MGAT4C: variants seen among roughly 807,000 people sequenced by gnomAD.
MGAT4C encodes alpha-1,3-mannosyl-glycoprotein 4-beta-N-acetylglucosaminyltransferase C.
MGAT4C carries 19 observed loss-of-function variants against 40.1 expected under a neutral mutation model. That is an observed-to-expected ratio of 0.47 (90% CI 0.33 to 0.70). The LOEUF (loss-of-function observed/expected upper bound fraction) is 0.70, where lower values mean the gene tolerates loss of function less well. Among genes scored for constraint, MGAT4C ranks in the 30% least tolerant of loss-of-function variants. The pLI, the probability that MGAT4C is intolerant of heterozygous loss-of-function variation, is 0.02. For missense variants in MGAT4C, 491 were observed against 563.2 expected, an observed-to-expected ratio of 0.87 and a Z score of 1.30; for synonymous variants, 181 against 187.1, an observed-to-expected ratio of 0.97 and a Z score of 0.27.
At chr12:86,624,035 T>C (rs925493040) in intron 2 of MGAT4C, among the ~76,000 whole-genome samples, 5 of 152,182 alleles carry the variant, frequency 3.3e-5, no homozygotes, top group African/African-American at 1.2e-4. Flanking sequence ...AATGTCCCAT[T>C]TATGACTTCA....
At chr12:86,317,187 A>G (rs1477819084) in intron 4 of MGAT4C, among the ~76,000 whole-genome samples, 4 of 152,142 alleles carry the variant, frequency 2.6e-5, no homozygotes, top group Non-Finnish European at 5.9e-5. Context: ...GGAAGACAGT[A>G]TAGTTTCAGA....
intron 1 of MGAT4C, among the ~76,000 whole-genome samples, chr12:86,795,883 G>A (rs1393069604): frequency 6.6e-6 from 1 of 151,892 alleles, no homozygotes; most frequent in Non-Finnish European, 1.5e-5. Context: ...TTTTATGAAT[G>A]CCTGTAAAGT....
chr12:86,502,810 T>C, intron 2 of MGAT4C, among the ~76,000 whole-genome samples: 1 of 122,738 alleles, frequency 8.1e-6, no homozygotes, highest in Non-Finnish European at 1.7e-5. Flanking sequence ...ACACGAGTTC[T>C]GCTCATATAT....
Position 86,386,350 on chromosome 12 carries a change from C to T in MGAT4C, c.-120+48807G>A, listed in dbSNP as rs551888713. Among the ~76,000 whole-genome samples the T allele has an allele frequency of 5.9e-5, 9 of 152,174 alleles. No individual in the cohort carries two copies. The South Asian group carries it at 1.9e-3, about 32-fold the overall frequency. On this transcript the variant is annotated intron_variant, in intron 3 of 7. Transcript: ENST00000548651. ...AGAGAAGAGTAGTGTGTTTGCTTACCTCCTCCCACTAGACAATGAATACCT... is the reference window on the plus strand; with the variant it reads ...AGAGAAGAGTAGTGTGTTTGCTTACTTCCTCCCACTAGACAATGAATACCT...
intron 2 of MGAT4C, among the ~76,000 whole-genome samples, chr12:86,634,692 C>T (rs1014267008): frequency 6.6e-6 from 1 of 152,092 alleles, no homozygotes; most frequent in East Asian, 1.9e-4. Context: ...GCCATGAAGC[C>T]TTGTCAGGCC....
At chr12:86,666,419 TA>T (rs958517106) in intron 2 of MGAT4C, among the ~76,000 whole-genome samples, 9 of 151,178 alleles carry the variant, frequency 6.0e-5, no homozygotes, top group Middle Eastern at 3.5e-3. Context: ...CATACTGCAT[TA>T]AAAAAAAATT....
At chr12:86,753,722 T>C (rs1421472170) in intron 1 of MGAT4C, among the ~76,000 whole-genome samples, 1 of 152,084 alleles carries the variant, frequency 6.6e-6, no homozygotes, top group Admixed American at 6.6e-5. Flanking sequence ...TTGAACACTT[T>C]ACAAAAAGAT....
At chr12:86,558,662 G>C (rs1489734397) in intron 2 of MGAT4C, among the ~76,000 whole-genome samples, 1 of 151,964 alleles carries the variant, frequency 6.6e-6, no homozygotes, top group Non-Finnish European at 1.5e-5. Flanking sequence ...TCCTATATCT[G>C]AAAGTTAAAT....
chr12:86,378,437 T>G (rs1015014903), intron 3 of MGAT4C, among the ~76,000 whole-genome samples: 3 of 152,150 alleles, frequency 2.0e-5, no homozygotes, highest in African/African-American at 7.2e-5. Flanking sequence ...ACTTGTATAA[T>G]AAGGTGGAAC....
chr12:86,534,605 T>G (rs1215158649), intron 2 of MGAT4C, among the ~76,000 whole-genome samples: 1 of 152,178 alleles, frequency 6.6e-6, no homozygotes, highest in Non-Finnish European at 1.5e-5. Flanking sequence ...TAGATTTTTG[T>G]CATTTCCTTT....
intron 1 of MGAT4C, among the ~76,000 whole-genome samples, chr12:86,209,442 A>C (rs1950376707): frequency 6.6e-6 from 1 of 152,164 alleles, no homozygotes; most frequent in African/African-American, 2.4e-5. Flanking sequence ...TGAATATAAA[A>C]AGTCACAACT....
chr12:86,786,578 A>G (rs1437957404), intron 1 of MGAT4C, among the ~76,000 whole-genome samples: 1 of 152,052 alleles, frequency 6.6e-6, no homozygotes, highest in African/African-American at 2.4e-5. Context: ...ACTTCTGCTC[A>G]AACTTTTTTT....
intron 3 of MGAT4C, among the ~76,000 whole-genome samples, chr12:86,386,584 C>T (rs1182627428): frequency 2.0e-5 from 3 of 152,144 alleles, no homozygotes; most frequent in African/African-American, 7.2e-5. Context: ...GTATACATAG[C>T]TTATTTGCCT....
At chr12:86,153,175 C>T (rs527410082) in intron 1 of MGAT4C, among the ~76,000 whole-genome samples, 1 of 152,196 alleles carries the variant, frequency 6.6e-6, no homozygotes, top group Non-Finnish European at 1.5e-5. Context: ...TGCCCTCTCT[C>T]AATTCAAACA....
intron 2 of MGAT4C, among the ~76,000 whole-genome samples, chr12:86,642,190 T>C (rs1354412690): frequency 1.3e-5 from 2 of 151,806 alleles, no homozygotes; most frequent in East Asian, 1.9e-4. Flanking sequence ...GACAAGAATT[T>C]GAGATACGTA....
intron 3 of MGAT4C, among the ~76,000 whole-genome samples, chr12:86,345,915 G>A (rs1326919781): frequency 1.3e-5 from 2 of 152,170 alleles, no homozygotes; most frequent in African/African-American, 2.4e-5. Flanking sequence ...TCCAGCACCT[G>A]TTGTTTCCTG....
At chr12:86,511,648 G>A (rs1482800705) in intron 2 of MGAT4C, among the ~76,000 whole-genome samples, 1 of 152,046 alleles carries the variant, frequency 6.6e-6, no homozygotes. Flanking sequence ...TATACAATGG[G>A]GAAGGAATAG....
At chr12:86,159,665 C>T (rs540415980) in intron 1 of MGAT4C, among the ~76,000 whole-genome samples, 44 of 151,944 alleles carry the variant, frequency 2.9e-4, no homozygotes, top group African/African-American at 8.7e-4. Context: ...CCAGGGCTTT[C>T]GTTATGGTTA....
At position 85,963,677 on chromosome 12, in the gene MGAT4C, C is replaced by A. The variant is rs1172540791; in HGVS notation, c.*15612G>T. The A allele has an allele frequency of 6.6e-6, 1 of 151,854 alleles. No individual in the cohort carries two copies. The highest frequency in any genetic ancestry group is 6.6e-5 in the Admixed American group (1 of 15,222). 9.4% of individuals were successfully genotyped at this position (151,854 alleles called of 1,614,324 possible). A position where few individuals can be genotyped will look rare whatever the true frequency, so the allele number is the denominator to read the frequency against. On this transcript the variant is annotated 3_prime_UTR_variant, in exon 5 of 5. Transcript: ENST00000611864. ...AAAATCTGAACAGATATTATTGAGG[C>A]TCAAGGTTGTTTAATGGCACAGATA... is the stretch of plus-strand genomic sequence containing the variant.
Sources: gnomAD v4.1 joint callset for allele counts (sites outside exome capture counted in the v4.1 genomes callset) on GRCh38, gnomAD v4.1.1 for gene constraint, MANE v1.5 for transcripts, NCBI Gene and HGNC (gene_info 2026-07-23, HGNC 2026-07-21) for gene names.